The following FTSJ3 variants were observed in gnomAD, a reference collection of about 807,000 sequenced individuals.
FTSJ3 encodes pre-rRNA 2'-O-ribose RNA methyltransferase FTSJ3.
In FTSJ3, 46 loss-of-function variants were observed where a neutral mutation model predicts 111.5. That is an observed-to-expected ratio of 0.41 (90% CI 0.33 to 0.53). The LOEUF (loss-of-function observed/expected upper bound fraction) is 0.53. Ranked by LOEUF, FTSJ3 falls within the 20% of genes least tolerant of loss-of-function variation. The pLI is 0.19. For missense variants in FTSJ3, 1,075 were observed against 1,063.8 expected (o/e 1.01, Z -0.15); for synonymous variants, 408 against 383.0 (o/e 1.07, Z -0.76).
intron 13 of FTSJ3, among the ~76,000 whole-genome samples, chr17:63,822,426 C>G (rs2040060343): frequency 1.3e-5 from 2 of 152,100 alleles, no homozygotes; most frequent in Admixed American, 6.6e-5. Flanking sequence ...AAGGAAGGTA[C>G]CTACAGCCCA....
Position 63,824,873 on chromosome 17 carries a change from G to A in FTSJ3, c.768C>T (p.Asp256=), listed in dbSNP as rs61741173. ...CAACAGGGTTGGCAGCTCGGAGGAA[G>A]TCAGTGACTGAGGTACGGTGATAGA... ...LTLYHRTSVT[D]FLRAANPVDF... The change falls in exon 9 of 21, where the codon GAC becomes GAT. Residue 256 remains aspartate, a synonymous_variant. Transcript: ENST00000427159. 174 of 1,600,568 alleles carry A rather than the reference G, an allele frequency of 1.1e-4. No individual in the cohort carries two copies. Among genetic ancestry groups the A allele is most frequent in the Middle Eastern group, 1.0e-3 (6 of 5,978 alleles).
chr17:63,825,623 C>T lies in FTSJ3; in HGVS notation c.313G>A (p.Glu105Lys). 6.2e-7 allele frequency: 1 copy of T among 1,613,982 alleles called. No individual in the cohort carries two copies. Among genetic ancestry groups the T allele is most frequent in the Non-Finnish European group, 8.5e-7 (1 of 1,179,930 alleles). Residue 105 changes from glutamate (E) to lysine (K), a missense_variant, in exon 6 of 21, where the codon GAG becomes AAG. Physicochemically the swap from Glu to Lys is moderately conservative, Grantham distance 56 (BLOSUM62 1). Around this residue, in one of 2 missense-constraint regions of FTSJ3, gnomAD observed 208 missense variants for 266.9 expected, o/e 0.78. Coordinates refer to ENST00000427159, the MANE Select transcript of FTSJ3 (RefSeq NM_017647.4). ...ACATCAACCTTCCAGGTCTTCAGCT[C>T]CTTCCTCAGGGCCTAAAGAGAAGAA... is the stretch of plus-strand genomic sequence containing the variant. The part of the protein sequence containing the change: ...TERCRQALRK[E>K]LKTWKVDVVL...
chr17:63,820,316 C>CGCCA lies in FTSJ3; in HGVS notation c.2191_2194dup (p.Arg732LeufsTer14). 1 of 1,613,348 alleles carries CGCCA rather than the reference C, an allele frequency of 6.2e-7. No homozygotes were observed. Among genetic ancestry groups the CGCCA allele is most frequent in the East Asian group, 2.2e-5 (1 of 44,828 alleles). Reference sequence around the variant, plus strand: ...CTTGATGGGACGTGCATTGATTTCCCGCCAGCGTTTCCGGTAATGCTCCAC... The same window carrying CGCCA: ...CTTGATGGGACGTGCATTGATTTCCCGCCAGCCAGCGTTTCCGGTAATGCTCCAC... On this transcript the variant is annotated frameshift_variant, in exon 19 of 21. Transcript: ENST00000427159. LOFTEE classifies it high-confidence loss of function.
chr17:63,819,574 G>A lies in FTSJ3; in HGVS notation c.*228C>T, dbSNP rs143428396. On this transcript the variant is annotated 3_prime_UTR_variant, in exon 21 of 21. Coordinates refer to ENST00000427159, the MANE Select transcript of FTSJ3 (RefSeq NM_017647.4). ...TAACGGTTTAAAAAAAGGGTCATGA[G>A]TGTCAACACAGTTCAGCAGTGTTTT... The A allele has an allele frequency of 3.6e-3, 1,919 of 530,230 alleles. 5 individuals carry two copies. The highest frequency in any genetic ancestry group is 4.9e-3 in the Non-Finnish European group (1,471 of 298,906). 32.8% of individuals were successfully genotyped at this position (530,230 alleles called of 1,614,324 possible).
At chr17:63,827,001 G>C in intron 1 of FTSJ3, 51 bp downstream of exon 1, 1 of 985,218 alleles carries the variant, frequency 1.0e-6, no homozygotes, top group Non-Finnish European at 1.6e-6. Flanking sequence ...CCCACTTCCA[G>C]TTTCCCACTT....
chr17:63,823,996 GTTT>G, intron 12 of FTSJ3, 44 bp from the exon 13 acceptor site: 1 of 1,613,934 alleles, frequency 6.2e-7, no homozygotes, highest in Non-Finnish European at 8.5e-7. Context: ...CAGCTCCAAA[GTTT>G]CTATCCATGC....
intron 18 of FTSJ3, 129 bp from the exon 19 acceptor site, chr17:63,820,567 G>A (rs2040039849): frequency 1.1e-6 from 1 of 908,548 alleles, no homozygotes; most frequent in Non-Finnish European, 1.7e-6. Flanking sequence ...GATCACCTGA[G>A]GTCAGGAGTT....
rs1598348922 is a variant in FTSJ3 at position 63,821,483 on chromosome 17, A to G, written c.1757T>C (p.Leu586Pro). 6.2e-7 allele frequency: 1 copy of G among 1,614,186 alleles called. No individual in the cohort carries two copies. The highest frequency in any genetic ancestry group is 8.5e-7 in the Non-Finnish European group (1 of 1,180,028). ...SCLKTEIMSP[L>P]YQDEAPKGTE... is the part of the protein sequence containing the mutation. ...TCCCTTAGGGGCTTCATCTTGGTAC[A>G]GGGGAGACATTATCTCAGTCTTCAA... Residue 586 changes from leucine to proline, a missense_variant, in exon 16 of 21, where the codon CTG (leucine) becomes CCG (proline). Transcript: ENST00000427159.
chr17:63,820,746 G>A lies in FTSJ3; in HGVS notation c.2072+93C>T, dbSNP rs573539588. ...GATCGTGCCATTGCACTCCAGCCTG[G>A]GCAACAGAGCGAGACTCCATCTCAA... On this transcript the variant is annotated intron_variant, in intron 18 of 20. Coordinates refer to ENST00000427159, the MANE Select transcript of FTSJ3 (RefSeq NM_017647.4). 7.5e-4 allele frequency: 656 copies of A among 873,896 alleles called. 5 individuals are homozygous for A. In the African/African-American group the frequency reaches 9.4e-3, roughly 13 times the overall value. 54.1% of individuals were successfully genotyped at this position (873,896 alleles called of 1,614,324 possible). A position where few individuals can be genotyped will look rare whatever the true frequency, so the allele number is the denominator to read the frequency against.
chr17:63,823,633 A>T, intron 13 of FTSJ3, 184 bp downstream of exon 13: 1 of 653,812 alleles, frequency 1.5e-6, no homozygotes, highest in Non-Finnish European at 2.7e-6. Flanking sequence ...TCATCTATCT[A>T]CCTAACTCAT....
In FTSJ3 at chr17:63,824,695, T is replaced by G; in HGVS notation, c.859A>C (p.Thr287Pro). 1.2e-6 allele frequency: 2 copies of G among 1,614,194 alleles called. No individual in the cohort carries two copies. Among genetic ancestry groups the G allele is most frequent in the Non-Finnish European group, 1.7e-6 (2 of 1,180,020 alleles). Residue 287 changes from threonine (T) to proline (P), a missense_variant, in exon 10 of 21, where the codon ACT (threonine) becomes CCT (proline). Transcript: ENST00000427159. The stretch of plus-strand genomic sequence containing the variant: ...TGACAGCACACCCGTATGTCCTCAG[T>G]GGTAGCTGGATGCTGTGCCAACTCT... Reference protein sequence around the residue: ...DEELAQHPATTEDIRVCCQDI... With the variant: ...DEELAQHPATPEDIRVCCQDI...
Position 63,819,817 on chromosome 17 carries a change from T to G in FTSJ3, c.2529A>C (p.Lys843Asn). 6.2e-7 allele frequency: 1 copy of G among 1,612,992 alleles called. No homozygotes were observed. The change falls in exon 21 of 21, where the codon AAA becomes AAC. Residue 843 changes from lysine (K) to asparagine (N), a missense_variant. This residue lies in a region of FTSJ3 where 867 missense variants were observed against 796.9 expected (regional missense o/e 1.09). Transcript: ENST00000427159. Reference sequence around the variant, plus strand: ...GCAGCTCTGCTTACTTCCGTTTGTGTTTTTTCTTTTGTTCCTTACGTTGCT... The same window carrying G: ...GCAGCTCTGCTTACTTCCGTTTGTGGTTTTTCTTTTGTTCCTTACGTTGCT... Reference protein sequence around the residue: ...RAQQRKEQKKKHKRK With the variant: ...RAQQRKEQKKNHKRK
Position 63,821,032 on chromosome 17 carries a change from G to A in FTSJ3, c.1970C>T (p.Pro657Leu), listed in dbSNP as rs1410830405. ...DGFEIVPIEDPAKHRILDPEG... is the reference protein window; with the variant it reads ...DGFEIVPIEDLAKHRILDPEG... ...TCCACTGCATACAGAGCTCTCACCTGGGTCCTCAATAGGCACTATCTCAAA... is the reference window on the plus strand; with the variant it reads ...TCCACTGCATACAGAGCTCTCACCTAGGTCCTCAATAGGCACTATCTCAAA... Residue 657 changes from proline (P) to leucine (L), a missense_variant and splice_region_variant, in exon 17 of 21, where the codon CCA becomes CTA. By Grantham distance (98) the Pro-to-Leu change is moderately conservative (BLOSUM62 -3). Transcript: ENST00000427159. 6.2e-7 allele frequency: 1 copy of A among 1,613,896 alleles called. No individual in the cohort carries two copies. The highest frequency in any genetic ancestry group is 8.5e-7 in the Non-Finnish European group (1 of 1,179,818).
Position 63,826,280 on chromosome 17 carries a change from C to G in FTSJ3, c.198G>C (p.Met66Ile). The G allele has an allele frequency of 1.2e-6, 2 of 1,614,164 alleles. No homozygotes were observed. Among genetic ancestry groups the G allele is most frequent in the South Asian group, 1.1e-5 (1 of 91,080 alleles). Reference sequence around the variant, plus strand: ...CACCCACAATAAGGCTGGATACAGGCATAAACTTGGCAGCTACCTGCAGCC... The same window carrying G: ...CACCCACAATAAGGCTGGATACAGGGATAAACTTGGCAGCTACCTGCAGCC... ...GGWLQVAAKFMPVSSLIVGVD... is the reference protein window; with the variant it reads ...GGWLQVAAKFIPVSSLIVGVD... The change falls in exon 4 of 21, where the codon ATG becomes ATC. Residue 66 changes from methionine to isoleucine, a missense_variant. By Grantham distance (10) the Met-to-Ile change is conservative. Coordinates refer to ENST00000427159, the MANE Select transcript of FTSJ3 (RefSeq NM_017647.4).
chr17:63,823,156 A>C (rs1348768936), intron 13 of FTSJ3, among the ~76,000 whole-genome samples: 1 of 152,204 alleles, frequency 6.6e-6, no homozygotes, highest in African/African-American at 2.4e-5. Context: ...GAAGTACCCT[A>C]ATGCGAGTGC....
Position 63,824,202 on chromosome 17 carries a change from C to G in FTSJ3, c.1036G>C (p.Asp346His). 6.2e-7 allele frequency: 1 copy of G among 1,614,174 alleles called. No homozygotes were observed. The highest frequency in any genetic ancestry group is 1.3e-5 in the African/African-American group (1 of 75,038). ...TGCTTTGTGGTTCCAGCTGTTGAGT[C>G]CTCCTCATCACCTTCATCTTCCTCT... ...SGEEDEGDEE[D>H]STAGTTKQPS... is the part of the protein sequence containing the mutation. The change falls in exon 12 of 21, where the codon GAC (aspartate) becomes CAC (histidine). Residue 346 changes from aspartate (D) to histidine (H), a missense_variant. Physicochemically the swap from Asp to His is moderately conservative, Grantham distance 81. Transcript: ENST00000427159.
Position 63,824,175 on chromosome 17 carries a change from G to A in FTSJ3, c.1063C>T (p.Pro355Ser). 6.2e-7 allele frequency: 1 copy of A among 1,613,988 alleles called. No homozygotes were observed. Among genetic ancestry groups the A allele is most frequent in the East Asian group, 2.2e-5 (1 of 44,882 alleles). ...TCCTCTTCCTCCTCCTCCTTAGAGG[G>A]CTGCTTTGTGGTTCCAGCTGTTGAG... Reference protein sequence around the residue: ...EDSTAGTTKQPSKEEEEEEEE... With the variant: ...EDSTAGTTKQSSKEEEEEEEE... Residue 355 changes from proline (P) to serine (S), a missense_variant, in exon 12 of 21, where the codon CCC becomes TCC. Transcript: ENST00000427159.
intron 19 of FTSJ3, 35 bp from the exon 20 acceptor site, chr17:63,820,208 T>TTCCCCCCCCCCCCCCCC: frequency 4.3e-6 from 3 of 694,920 alleles, no homozygotes; most frequent in South Asian, 1.5e-5. Flanking sequence ...CTCTTCCCCA[T>TTCCCCCCCCCCCCCCCC]CCCCCCACCC....
Position 63,821,439 on chromosome 17 carries a change from T to C in FTSJ3, c.1801A>G (p.Thr601Ala). 6.2e-7 allele frequency: 1 copy of C among 1,614,164 alleles called. No individual in the cohort carries two copies. The highest frequency in any genetic ancestry group is 8.5e-7 in the Non-Finnish European group (1 of 1,180,020). The change falls in exon 16 of 21, where the codon ACA becomes GCA. Residue 601 changes from threonine to alanine, a missense_variant. Around this residue, in one of 2 missense-constraint regions of FTSJ3, gnomAD observed 867 missense variants for 796.9 expected, o/e 1.09. Transcript: ENST00000427159. ...CCTTCAAGGCCAGTGGCAGCTTCTG[T>C]CCCCGAAGAAGCCTCTGTTCCCTTA... ...APKGTEASSG[T>A]EAATGLEGEE...
Sources: gnomAD v4.1 joint callset for allele counts (sites outside exome capture counted in the v4.1 genomes callset) on GRCh38, gnomAD v4.1.1 for gene constraint, gnomAD v4.1.1 regional missense constraint, MANE v1.5 for transcripts, NCBI Gene and HGNC (gene_info 2026-07-23, HGNC 2026-07-21) for gene names.